The following FHIT variants were observed in gnomAD, a reference collection of about 807,000 sequenced individuals.
The protein encoded by FHIT is bis(5'-adenosyl)-triphosphatase.
Under a neutral mutation model 17.9 loss-of-function variants are expected in FHIT, and 19 were observed. The ratio of observed to expected loss-of-function variants is 1.06; its 90% CI spans 0.74 to 1.56. The LOEUF is 1.56. FHIT is among the 40% of genes most tolerant of loss of function. FHIT has a pLI of 0.00. For missense variants in FHIT, 248 were observed against 189.2 expected (o/e 1.31, Z -1.82); for synonymous variants, 81 against 69.7 (o/e 1.16, Z -0.81).
chr3:60,212,787 G>C (rs374576745), intron 5 of FHIT, among the ~76,000 whole-genome samples: 1 of 152,244 alleles, frequency 6.6e-6, no homozygotes, highest in East Asian at 1.9e-4. Flanking sequence ...AAGATGAAAT[G>C]GAAGATGTGA....
At chr3:60,416,809 G>C (rs368243020) in intron 5 of FHIT, among the ~76,000 whole-genome samples, 8 of 152,170 alleles carry the variant, frequency 5.3e-5, no homozygotes, top group African/African-American at 1.9e-4. Context: ...AGAACAGGCC[G>C]GGTGCGGCAG....
chr3:59,904,210 A>T (rs1704474794), intron 8 of FHIT, among the ~76,000 whole-genome samples: 1 of 142,132 alleles, frequency 7.0e-6, no homozygotes, highest in South Asian at 2.4e-4. Context: ...GAACAATAAT[A>T]ACCATAAAAT....
chr3:60,751,619 T>C (rs984979221), intron 4 of FHIT, among the ~76,000 whole-genome samples: 2 of 152,236 alleles, frequency 1.3e-5, no homozygotes, highest in Non-Finnish European at 2.9e-5. Context: ...AGCTTTATAC[T>C]ACCCACTGTT....
chr3:61,201,045 C>T (rs1295733959), intron 1 of FHIT, among the ~76,000 whole-genome samples: 1 of 152,194 alleles, frequency 6.6e-6, no homozygotes, highest in Non-Finnish European at 1.5e-5. Context: ...ATCTTTCTTG[C>T]ATGCTCTATT....
intron 8 of FHIT, among the ~76,000 whole-genome samples, chr3:59,915,999 T>C (rs116109523): frequency 0.021 from 3,131 of 152,062 alleles, 54 homozygotes; most frequent in Non-Finnish European, 0.03. Context: ...ACAGTTAATA[T>C]TGAGTGTCAA....
At chr3:59,981,952 G>T (rs1575812309) in intron 7 of FHIT, among the ~76,000 whole-genome samples, 2 of 126,774 alleles carry the variant, frequency 1.6e-5, no homozygotes, top group East Asian at 2.5e-4. Context: ...TTGCTGCCAG[G>T]GTCAGCAAAA....
chr3:60,231,081 G>T (rs1704472672), intron 5 of FHIT, among the ~76,000 whole-genome samples: 2 of 152,302 alleles, frequency 1.3e-5, no homozygotes, highest in South Asian at 4.1e-4. Context: ...ATAATCTTAT[G>T]AGGTTTGGTC....
intron 2 of FHIT, among the ~76,000 whole-genome samples, chr3:61,143,853 A>G (rs1560017074): frequency 6.6e-6 from 1 of 152,152 alleles, no homozygotes; most frequent in Non-Finnish European, 1.5e-5. Flanking sequence ...GTGACAGAGC[A>G]AGACTCTGTC....
chr3:60,180,459 A>G (rs2107439209), intron 5 of FHIT, among the ~76,000 whole-genome samples: 1 of 152,272 alleles, frequency 6.6e-6, no homozygotes. Flanking sequence ...AATGAAAAGA[A>G]AGCTGAAGGA....
intron 3 of FHIT, among the ~76,000 whole-genome samples, chr3:60,904,108 C>T (rs1242465410): frequency 2.6e-5 from 4 of 152,146 alleles, no homozygotes; most frequent in African/African-American, 9.7e-5. Context: ...CCAGAGGTAG[C>T]AAATTTGTAA....
At chr3:59,986,973 C>T (rs1272233005) in intron 7 of FHIT, among the ~76,000 whole-genome samples, 2 of 113,332 alleles carry the variant, frequency 1.8e-5, no homozygotes, top group Non-Finnish European at 3.4e-5. Context: ...ATAGGATTTA[C>T]TATAGAAAAA....
At chr3:60,560,313 A>G (rs1209065949) in intron 4 of FHIT, among the ~76,000 whole-genome samples, 1 of 152,054 alleles carries the variant, frequency 6.6e-6, no homozygotes, top group East Asian at 1.9e-4. Flanking sequence ...GTAATTATGC[A>G]TTTGCCTCTC....
chr3:59,751,125 G>C lies in FHIT; in HGVS notation c.*5+1096C>G, dbSNP rs1308025838. The C allele has an allele frequency of 2.2e-5, 4 of 180,112 alleles. No individual in the cohort carries two copies. The East Asian group carries it at 3.7e-4, about 17-fold the overall frequency. The allele number at this position is 180,112 out of a possible 1,614,324, so 11.2% of individuals were successfully genotyped here. On this transcript the variant is annotated intron_variant, in intron 9 of 9. Transcript: ENST00000492590. ...TGCCAGAAAAAAATACAAGATACCA[G>C]TTAAATTTGAATTTCAGATAAACAA...
chr3:60,700,849 T>C (rs113867062), intron 4 of FHIT, among the ~76,000 whole-genome samples: 82 of 152,308 alleles, frequency 5.4e-4, no homozygotes, highest in African/African-American at 1.9e-3. Context: ...TGTCTCTTGG[T>C]CACTTAAATT....
chr3:60,578,193 C>T (rs1261691967), intron 4 of FHIT, among the ~76,000 whole-genome samples: 2 of 152,078 alleles, frequency 1.3e-5, no homozygotes, highest in African/African-American at 2.4e-5. Flanking sequence ...AATCCCAGCA[C>T]TTTGGGAGGC....
Position 59,747,444 on chromosome 3 carries a change from C to A in FHIT, c.*2141G>T, listed in dbSNP as rs893545828. 6.6e-6 allele frequency among the ~76,000 whole-genome samples: 1 copy of A among 152,088 alleles called. No individual in the cohort carries two copies. The highest frequency in any genetic ancestry group is 2.4e-5 in the African/African-American group (1 of 41,414). On this transcript the variant is annotated 3_prime_UTR_variant, in exon 10 of 10. Transcript: ENST00000492590. ...AGAACAGCATGGGAAAGACCCTCCCCCTTGATTCAGTTACCTCCCACTGGG... is the reference window on the plus strand; with the variant it reads ...AGAACAGCATGGGAAAGACCCTCCCACTTGATTCAGTTACCTCCCACTGGG...
intron 5 of FHIT, among the ~76,000 whole-genome samples, chr3:60,408,188 G>T (rs1376651109): frequency 6.6e-6 from 1 of 152,178 alleles, no homozygotes; most frequent in Non-Finnish European, 1.5e-5. Context: ...ACAAGTGCTA[G>T]GTTGTAACGG....
chr3:60,696,099 C>T (rs1300442560), intron 4 of FHIT, among the ~76,000 whole-genome samples: 1 of 151,724 alleles, frequency 6.6e-6, no homozygotes, highest in Admixed American at 6.6e-5. Flanking sequence ...AAGGGTAATG[C>T]TGCTTTAAAA....
At chr3:60,305,231 C>G (rs1708618886) in intron 5 of FHIT, among the ~76,000 whole-genome samples, 1 of 152,018 alleles carries the variant, frequency 6.6e-6, no homozygotes, top group Admixed American at 6.6e-5. Context: ...GGAAACACTG[C>G]TCTCCCAATG....
Sources: allele counts gnomAD v4.1 joint callset (sites outside exome capture counted in the v4.1 genomes callset), GRCh38; gene constraint gnomAD v4.1.1; transcripts MANE v1.5; gene names NCBI Gene and HGNC (gene_info 2026-07-23, HGNC 2026-07-21).